Variants in EARS2 observed in about 807,000 individuals in gnomAD.
EARS2 encodes the protein nondiscriminating glutamyl-tRNA synthetase EARS2, mitochondrial.
EARS2 carries 50 observed loss-of-function variants against 54.1 expected under a neutral mutation model. The observed-to-expected ratio is 0.92, with a 90% CI of 0.74 to 1.17. EARS2 has a LOEUF of 1.17. EARS2 is among the 50% of genes most tolerant of loss of function. The pLI, the probability that EARS2 is intolerant of heterozygous loss-of-function variation, is 0.00. For synonymous variants in EARS2, 298 were observed against 281.0 expected (o/e 1.06, Z -0.61); for missense variants, 673 against 675.0 (o/e 1.00, Z 0.03).
At position 23,529,862 on chromosome 16, in the gene EARS2, T is replaced by C. The variant is rs1215026680; in HGVS notation, c.1103A>G (p.Gln368Arg). 1 of 1,614,152 alleles carries C rather than the reference T, an allele frequency of 6.2e-7. No individual in the cohort carries two copies. The highest frequency in any genetic ancestry group is 2.2e-5 in the East Asian group (1 of 44,866). ...CAGCTTCCCCACCAGCTGGCGCCTC[T>C]GGCTCTCATTGCTCACCAGCCGCTG... is the stretch of plus-strand genomic sequence containing the variant. ...HLQRLVSNES[Q>R]RRQLVGKLQV... Residue 368 changes from glutamine to arginine, a missense_variant, in exon 6 of 9, where the codon CAG (glutamine) becomes CGG (arginine). By Grantham distance (43) the Gln-to-Arg change is conservative (BLOSUM62 1). Transcript: ENST00000449606.
intron 1 of EARS2, among the ~76,000 whole-genome samples, chr16:23,555,580 T>A (rs1375135337): frequency 6.6e-6 from 1 of 152,224 alleles, no homozygotes; most frequent in Non-Finnish European, 1.5e-5. Context: ...ATCCCAGGCT[T>A]TGGCATTCTA....
intron 2 of EARS2, among the ~76,000 whole-genome samples, chr16:23,551,598 T>C (rs77425936): frequency 6.6e-6 from 1 of 151,508 alleles, no homozygotes; most frequent in Non-Finnish European, 1.5e-5. Context: ...GGTAACAAAA[T>C]GAGACCCTGA....
chr16:23,556,092 C>G (rs559764070), intron 1 of EARS2, among the ~76,000 whole-genome samples: 1 of 152,222 alleles, frequency 6.6e-6, no homozygotes, highest in Admixed American at 6.5e-5. Flanking sequence ...CTGCTCTAGG[C>G]TATACTGCCT....
Position 23,538,973 on chromosome 16 carries a change from CTTTTTT to C in EARS2, c.486-3619_486-3614del, listed in dbSNP as rs34153998. On this transcript the variant is annotated intron_variant, in intron 3 of 8. Coordinates refer to ENST00000449606, the MANE Select transcript of EARS2 (RefSeq NM_001083614.2). ...ATTCTCAACAGTTATGGCCCCCCTC[CTTTTTT>C]TTTTTTTTTTTTTTTTGAGACAGGG... 3.6e-5 allele frequency among the ~76,000 whole-genome samples: 3 copies of C among 83,844 alleles called. No individual in the cohort carries two copies. The East Asian group carries it at 9.6e-4, about 27-fold the overall frequency. The allele number at this position is 83,844 out of a possible 152,430, so 55.0% of individuals were successfully genotyped here. A position where few individuals can be genotyped will look rare whatever the true frequency, so the allele number is the denominator to read the frequency against.
chr16:23,534,636 T>C (rs771761807), intron 4 of EARS2, among the ~76,000 whole-genome samples: 2 of 152,200 alleles, frequency 1.3e-5, no homozygotes, highest in East Asian at 1.9e-4. Context: ...TTTCCAGATA[T>C]GCAACTGAGG....
At chr16:23,530,812 G>A (rs1327980087) in intron 5 of EARS2, among the ~76,000 whole-genome samples, 2 of 152,134 alleles carry the variant, frequency 1.3e-5, no homozygotes, top group African/African-American at 4.8e-5. Flanking sequence ...GGAGTCTGAG[G>A]CTGCAGTGAA....
chr16:23,524,327 C>G lies in EARS2; in HGVS notation c.*44G>C, dbSNP rs1965187618. 6.4e-7 allele frequency: 1 copy of G among 1,564,372 alleles called. No individual in the cohort carries two copies. The highest frequency in any genetic ancestry group is 1.4e-5 in the African/African-American group (1 of 73,956). The stretch of plus-strand genomic sequence containing the variant: ...GGTCTCTGAAAGCTGTTTCTAAGCT[C>G]ACAGGTTCTTAGGGCGATCTCCACT... On this transcript the variant is annotated 3_prime_UTR_variant, in exon 9 of 9. Coordinates refer to ENST00000449606, the MANE Select transcript of EARS2 (RefSeq NM_001083614.2).
At chr16:23,552,995 G>A in intron 1 of EARS2, 1 of 356,414 alleles carries the variant, frequency 2.8e-6, no homozygotes, top group Non-Finnish European at 5.6e-6. Context: ...ATTTAGCTGG[G>A]CATGGTGGTA....
intron 3 of EARS2, among the ~76,000 whole-genome samples, chr16:23,535,676 C>T (rs1477841472): frequency 6.6e-6 from 1 of 152,174 alleles, no homozygotes; most frequent in Non-Finnish European, 1.5e-5. Context: ...ATGCCAGTGA[C>T]CAGTCCAGGC....
In EARS2 at chr16:23,534,274, G is replaced by C. The variant is rs556818653; in HGVS notation, c.958+614C>G. On this transcript the variant is annotated intron_variant, in intron 4 of 8. Coordinates refer to ENST00000449606, the MANE Select transcript of EARS2 (RefSeq NM_001083614.2). ...TATCTACCCCTTAATAGTATGTTGT[G>C]TTAAATGAAATGAGACCAGCAGGCA... 2.6e-5 allele frequency among the ~76,000 whole-genome samples: 4 copies of C among 152,294 alleles called. No homozygotes were observed. The East Asian group carries it at 7.7e-4, about 29-fold the overall frequency.
At position 23,532,629 on chromosome 16, in the gene EARS2, C is replaced by T. The variant is rs747379989; in HGVS notation, c.1067+28G>A. 19 of 1,568,312 alleles carry T rather than the reference C, an allele frequency of 1.2e-5. No individual in the cohort carries two copies. In the Admixed American group the frequency reaches 3.0e-4, roughly 25 times the overall value. ...TCATAAGCAAGAAAGCCCTTTGCCA[C>T]CAGGGGATCTCCATGCTCCCCACTC... On this transcript the variant is annotated intron_variant, in intron 5 of 8. Coordinates refer to ENST00000449606, the MANE Select transcript of EARS2 (RefSeq NM_001083614.2).
chr16:23,527,502 G>A (rs1213910260), intron 7 of EARS2, among the ~76,000 whole-genome samples: 1 of 150,836 alleles, frequency 6.6e-6, no homozygotes, highest in Non-Finnish European at 1.5e-5. Flanking sequence ...CTTACTAACT[G>A]TCAGCACTGA....
intron 3 of EARS2, among the ~76,000 whole-genome samples, chr16:23,535,764 G>C (rs1460828928): frequency 1.3e-5 from 2 of 152,164 alleles, no homozygotes; most frequent in Non-Finnish European, 2.9e-5. Flanking sequence ...AAGGTTCCGG[G>C]AAAGGTTTTT....
chr16:23,532,974 G>A lies in EARS2; in HGVS notation c.959-209C>T, dbSNP rs6497672. ...GCTGGGACTACAGGCACATACTACC[G>A]CACCTGGCTAATTTTTAAATTTTTC... On this transcript the variant is annotated intron_variant, in intron 4 of 8. Coordinates refer to ENST00000449606, the MANE Select transcript of EARS2 (RefSeq NM_001083614.2). 0.86 allele frequency among the ~76,000 whole-genome samples: 130,218 copies of A among 152,114 alleles called. 55,934 individuals carry two copies. Among genetic ancestry groups the A allele is most frequent in the Middle Eastern group, 0.91 (267 of 294 alleles).
chr16:23,534,677 G>T (rs1376634397), intron 4 of EARS2, among the ~76,000 whole-genome samples: 1 of 152,160 alleles, frequency 6.6e-6, no homozygotes, highest in African/African-American at 2.4e-5. Flanking sequence ...TGAGGGCAGG[G>T]ATCATGTCTA....
intron 4 of EARS2, among the ~76,000 whole-genome samples, chr16:23,534,526 G>T (rs561931446): frequency 6.6e-6 from 1 of 152,312 alleles, no homozygotes; most frequent in Non-Finnish European, 1.5e-5. Flanking sequence ...CATAGGGTCT[G>T]TCATTTTTTG....
intron 2 of EARS2, among the ~76,000 whole-genome samples, chr16:23,549,799 A>G (rs1002613354): frequency 6.6e-6 from 1 of 151,976 alleles, no homozygotes; most frequent in Non-Finnish European, 1.5e-5. Context: ...TCTGCTCACT[A>G]TGGTTAGACC....
chr16:23,540,743 G>A (rs1348865249), intron 3 of EARS2, among the ~76,000 whole-genome samples: 1 of 152,172 alleles, frequency 6.6e-6, no homozygotes, highest in African/African-American at 2.4e-5. Context: ...AGCACTTTGG[G>A]AGGCCGAGGC....
chr16:23,539,897 C>G (rs1367454912), intron 3 of EARS2, among the ~76,000 whole-genome samples: 3 of 152,062 alleles, frequency 2.0e-5, no homozygotes, highest in Non-Finnish European at 4.4e-5. Context: ...CACCTATAAT[C>G]CCAGCACTTT....
Sources: gnomAD v4.1 joint callset for allele counts (sites outside exome capture counted in the v4.1 genomes callset) on GRCh38, gnomAD v4.1.1 for gene constraint, MANE v1.5 for transcripts, NCBI Gene and HGNC (gene_info 2026-07-23, HGNC 2026-07-21) for gene names.